C9: variants seen among roughly 807,000 people sequenced by gnomAD.
C9 encodes the protein complement component C9.
In C9, 63 loss-of-function variants were observed where a neutral mutation model predicts 65.4. The observed-to-expected ratio is 0.96, with a 90% CI of 0.79 to 1.19. C9 has a LOEUF of 1.19. Among genes scored for constraint, C9 ranks in the 50% most tolerant of loss-of-function variants. The pLI is 0.00. For synonymous variants in C9, 229 were observed against 227.9 expected (o/e 1.00, Z -0.04); for missense variants, 744 against 670.1 (o/e 1.11, Z -1.22).
chr5:39,297,234 A>G (rs1753201273), intron 9 of C9, among the ~76,000 whole-genome samples: 1 of 151,642 alleles, frequency 6.6e-6, no homozygotes, highest in African/African-American at 2.4e-5. Flanking sequence ...ATAACTATAC[A>G]TTATCATTAT....
intron 9 of C9, among the ~76,000 whole-genome samples, chr5:39,301,479 A>G (rs1284157895): frequency 1.3e-5 from 2 of 152,090 alleles, no homozygotes; most frequent in Non-Finnish European, 2.9e-5. Context: ...GAATTTTCTG[A>G]TTTTGATAAT....
chr5:39,291,379 G>A (rs1004159860), intron 9 of C9, among the ~76,000 whole-genome samples: 1 of 151,768 alleles, frequency 6.6e-6, no homozygotes. Context: ...TGACAATAAA[G>A]CATGAAGAGA....
At chr5:39,307,369 T>G (rs1470636836) in intron 8 of C9, among the ~76,000 whole-genome samples, 1 of 152,158 alleles carries the variant, frequency 6.6e-6, no homozygotes, top group Non-Finnish European at 1.5e-5. Context: ...ATTTTTGTCA[T>G]CCCCTCTTCA....
chr5:39,327,513 G>C (rs770819007), intron 5 of C9, among the ~76,000 whole-genome samples: 10 of 152,042 alleles, frequency 6.6e-5, no homozygotes, highest in Non-Finnish European at 1.3e-4. Flanking sequence ...TCTTAAGGAG[G>C]GATTTCAGGT....
At chr5:39,335,741 T>C (rs955410937) in intron 4 of C9, among the ~76,000 whole-genome samples, 5 of 152,128 alleles carry the variant, frequency 3.3e-5, no homozygotes, top group Non-Finnish European at 7.4e-5. Context: ...GAGGGGTACA[T>C]GTGAGTGCTT....
chr5:39,300,138 T>C (rs1199252899), intron 9 of C9, among the ~76,000 whole-genome samples: 1 of 152,030 alleles, frequency 6.6e-6, no homozygotes, highest in South Asian at 2.1e-4. Context: ...ATAGGCTGGG[T>C]GCAGTGGCTC....
intron 4 of C9, among the ~76,000 whole-genome samples, chr5:39,334,373 T>C (rs553523500): frequency 0.044 from 6,245 of 143,230 alleles, 228 homozygotes; most frequent in Non-Finnish European, 0.063. Flanking sequence ...ACCCTCTGCC[T>C]GGCAACCGCC....
chr5:39,289,633 TGCCTTGA>T (rs1753053781), intron 9 of C9, among the ~76,000 whole-genome samples: 1 of 151,792 alleles, frequency 6.6e-6, no homozygotes, highest in African/African-American at 2.4e-5. Context: ...ACCTATGGGG[TGCCTTGA>T]GGAAGCTGCA....
At chr5:39,363,868 T>C (rs1329501001) in intron 1 of C9, among the ~76,000 whole-genome samples, 1 of 152,104 alleles carries the variant, frequency 6.6e-6, no homozygotes, top group African/African-American at 2.4e-5. Flanking sequence ...ATGGAAGAAA[T>C]ATGACCTAAA....
At chr5:39,344,896 C>G (rs1358674006) in intron 1 of C9, among the ~76,000 whole-genome samples, 2 of 152,076 alleles carry the variant, frequency 1.3e-5, no homozygotes, top group African/African-American at 4.8e-5. Context: ...AATTTTCAAC[C>G]CAGAATTTCA....
At chr5:39,355,567 C>A (rs1212942332) in intron 1 of C9, among the ~76,000 whole-genome samples, 1 of 152,000 alleles carries the variant, frequency 6.6e-6, no homozygotes, top group African/African-American at 2.4e-5. Flanking sequence ...TGAATTCATT[C>A]TTTGAATGAT....
intron 5 of C9, 73 bp from the exon 6 acceptor site, chr5:39,316,102 A>G (rs1753566085): frequency 1.6e-6 from 2 of 1,278,356 alleles, no homozygotes; most frequent in Non-Finnish European, 2.2e-6. Context: ...AACAGAACCA[A>G]AGAGAAGTCA....
rs187919866 is a variant in C9, at chr5:39,300,018, G to C, written c.1416+6599C>G. Among the ~76,000 whole-genome samples the C allele has an allele frequency of 4.4e-3, 665 of 152,128 alleles. 11 individuals are homozygous for C. Among genetic ancestry groups the C allele is most frequent in the African/African-American group, 0.015 (633 of 41,528 alleles). ...TGTGTTTTTGGATTATATTAGAAAA[G>C]GTTTGTTAGGTTAGAGATTTTTATC... On this transcript the variant is annotated intron_variant, in intron 9 of 10. Coordinates refer to ENST00000263408, the MANE Select transcript of C9 (RefSeq NM_001737.5).
intron 1 of C9, among the ~76,000 whole-genome samples, chr5:39,349,343 C>T (rs534401018): frequency 1.4e-4 from 22 of 152,180 alleles, no homozygotes; most frequent in African/African-American, 5.3e-4. Flanking sequence ...AGTGTTCAAG[C>T]TTGTGATATT....
chr5:39,292,914 G>A (rs1349492333), intron 9 of C9, among the ~76,000 whole-genome samples: 2 of 130,086 alleles, frequency 1.5e-5, no homozygotes, highest in African/African-American at 5.2e-5. Context: ...ATCAATACTG[G>A]AAATAAAATG....
At chr5:39,287,308 T>C (rs1330321560) in intron 10 of C9, among the ~76,000 whole-genome samples, 1 of 152,046 alleles carries the variant, frequency 6.6e-6, no homozygotes, top group Non-Finnish European at 1.5e-5. Context: ...CCTCTAGGAT[T>C]TTTATAGTTT....
chr5:39,331,918 T>A, intron 4 of C9, 104 bp from the exon 5 acceptor site: 3 of 928,998 alleles, frequency 3.2e-6, no homozygotes, highest in Admixed American at 3.4e-5. Flanking sequence ...CATGTCACCG[T>A]CACCCAATAT....
intron 1 of C9, among the ~76,000 whole-genome samples, chr5:39,351,967 C>G (rs1185439221): frequency 1.3e-5 from 2 of 152,190 alleles, no homozygotes; most frequent in Non-Finnish European, 2.9e-5. Context: ...CTATAAAGAA[C>G]TACCTGAGAC....
chr5:39,344,493 AC>A (rs1754152716), intron 1 of C9, among the ~76,000 whole-genome samples: 1 of 152,236 alleles, frequency 6.6e-6, no homozygotes, highest in Admixed American at 6.5e-5. Context: ...AAAGAAATGA[AC>A]AAAGCCTCCA....
Sources: gnomAD v4.1 joint callset for allele counts (sites outside exome capture counted in the v4.1 genomes callset) on GRCh38, gnomAD v4.1.1 for gene constraint, MANE v1.5 for transcripts, NCBI Gene and HGNC (gene_info 2026-07-23, HGNC 2026-07-21) for gene names.